ANKS1B: variants seen among roughly 807,000 people sequenced by gnomAD.
The protein encoded by ANKS1B is ankyrin repeat and sterile alpha motif domain containing 1B.
In ANKS1B, 36 loss-of-function variants were observed where a neutral mutation model predicts 148.3. The ratio of observed to expected loss-of-function variants is 0.24; its 90% CI spans 0.19 to 0.32. The LOEUF (loss-of-function observed/expected upper bound fraction) is 0.32, where lower values mean the gene tolerates loss of function less well. Ranked by LOEUF, ANKS1B falls within the 10% of genes least tolerant of loss-of-function variation. The probability of loss-of-function intolerance (pLI) is 1.00; values close to 1 mark genes in which losing one functional copy is unlikely to be tolerated. For synonymous variants in ANKS1B, 542 were observed against 560.8 expected, an observed-to-expected ratio of 0.97 and a Z score of 0.47; for missense variants, 1,157 against 1,542.6, an observed-to-expected ratio of 0.75 and a Z score of 4.19.
chr12:98,808,485 G>A (rs1357283192), intron 19 of ANKS1B, among the ~76,000 whole-genome samples: 1 of 152,160 alleles, frequency 6.6e-6, no homozygotes, highest in African/African-American at 2.4e-5. Flanking sequence ...ACCCAGCACT[G>A]GGAGGAGTGA....
intron 14 of ANKS1B, among the ~76,000 whole-genome samples, chr12:99,155,416 A>G (rs2075910573): frequency 1.3e-5 from 2 of 152,274 alleles, no homozygotes; most frequent in South Asian, 2.1e-4. Context: ...TCTTGTTTGC[A>G]TGGTTTCTTC....
intron 9 of ANKS1B, chr12:99,649,504 A>T: frequency 1.2e-6 from 1 of 848,018 alleles, no homozygotes; most frequent in Non-Finnish European, 1.9e-6. Context: ...AGCAGTAGTG[A>T]TGACAGTAAG....
chr12:99,662,111 G>C (rs1472275132), intron 8 of ANKS1B, among the ~76,000 whole-genome samples: 1 of 152,096 alleles, frequency 6.6e-6, no homozygotes, highest in African/African-American at 2.4e-5. Context: ...TTCTCTTTAA[G>C]CCATTATTAT....
At chr12:98,743,649 T>C (rs1565922273), downstream of ANKS1B, among the ~76,000 whole-genome samples, 1 of 152,228 alleles carries the variant, frequency 6.6e-6, no homozygotes, top group South Asian at 2.1e-4. Flanking sequence ...GATAATGTTT[T>C]TCCAAACATA....
At chr12:98,971,493 A>C (rs778358545) in intron 17 of ANKS1B, among the ~76,000 whole-genome samples, 3 of 152,190 alleles carry the variant, frequency 2.0e-5, no homozygotes, top group Non-Finnish European at 4.4e-5. Context: ...TCCAACCCCA[A>C]AACTTGGGTG....
At chr12:98,985,171 G>C (rs2099922537) in intron 17 of ANKS1B, among the ~76,000 whole-genome samples, 1 of 152,088 alleles carries the variant, frequency 6.6e-6, no homozygotes, top group Admixed American at 6.5e-5. Context: ...GGAATGCAGT[G>C]GTGACATCGT....
chr12:99,937,401 T>G (rs1185978980), intron 1 of ANKS1B, among the ~76,000 whole-genome samples: 2 of 152,186 alleles, frequency 1.3e-5, no homozygotes, highest in African/African-American at 4.8e-5. Context: ...TAATTAATAT[T>G]TCTACAATGT....
chr12:99,217,981 A>T (rs1010595835), intron 14 of ANKS1B, among the ~76,000 whole-genome samples: 1 of 152,156 alleles, frequency 6.6e-6, no homozygotes, highest in Admixed American at 6.6e-5. Context: ...TCTAAGCCCA[A>T]TGTTAAGACA....
intron 12 of ANKS1B, among the ~76,000 whole-genome samples, chr12:99,322,935 T>C (rs984913668): frequency 6.6e-6 from 1 of 152,194 alleles, no homozygotes; most frequent in Non-Finnish European, 1.5e-5. Flanking sequence ...CCTGCCACCA[T>C]GTAACATGTG....
chr12:99,667,596 T>C (rs537169726), intron 8 of ANKS1B, among the ~76,000 whole-genome samples: 10 of 152,212 alleles, frequency 6.6e-5, no homozygotes, highest in Non-Finnish European at 4.4e-5. Flanking sequence ...CTTGTCTTAC[T>C]GCACTGGCCA....
At chr12:99,059,771 A>T (rs2041701829) in intron 16 of ANKS1B, among the ~76,000 whole-genome samples, 1 of 148,684 alleles carries the variant, frequency 6.7e-6, no homozygotes, top group East Asian at 2.0e-4. Context: ...AATAAGCCCA[A>T]AGACAAAACT....
At chr12:99,931,966 T>C (rs951894867) in intron 1 of ANKS1B, among the ~76,000 whole-genome samples, 3 of 152,148 alleles carry the variant, frequency 2.0e-5, no homozygotes, top group African/African-American at 7.2e-5. Flanking sequence ...CTCTCTTATA[T>C]TCATGAGTTC....
rs553066016 is a variant in ANKS1B, at chr12:98,764,508, G to A, written c.3579+8534C>T. The stretch of plus-strand genomic sequence containing the variant: ...CTCCTAAAGTGCTGGGATTACAGGC[G>A]TGAGCCACCGCGCCTGGCTTCTTCA... On this transcript the variant is annotated intron_variant, in intron 25 of 26. Coordinates refer to ENST00000683438, the MANE Select transcript of ANKS1B (RefSeq NM_001352186.2). 7.2e-5 allele frequency among the ~76,000 whole-genome samples: 11 copies of A among 152,270 alleles called. No homozygotes were observed. The South Asian group carries it at 1.2e-3, about 17-fold the overall frequency.
At chr12:99,887,462 T>G (rs2092886796) in intron 1 of ANKS1B, among the ~76,000 whole-genome samples, 1 of 152,228 alleles carries the variant, frequency 6.6e-6, no homozygotes, top group Non-Finnish European at 1.5e-5. Flanking sequence ...TACAGATTTT[T>G]AAATTATATA....
At chr12:99,230,714 A>G (rs2086700276) in intron 14 of ANKS1B, among the ~76,000 whole-genome samples, 1 of 152,158 alleles carries the variant, frequency 6.6e-6, no homozygotes, top group Non-Finnish European at 1.5e-5. Context: ...CTAAGAACAC[A>G]ATCGTTTGAT....
intron 10 of ANKS1B, among the ~76,000 whole-genome samples, chr12:99,446,404 T>G (rs1056571880): frequency 2.6e-5 from 4 of 152,210 alleles, no homozygotes; most frequent in Admixed American, 2.6e-4. Flanking sequence ...TAACTTTTAT[T>G]GAGCATTTAT....
intron 12 of ANKS1B, among the ~76,000 whole-genome samples, chr12:99,257,061 T>G (rs549111406): frequency 3.3e-5 from 5 of 151,998 alleles, no homozygotes; most frequent in Non-Finnish European, 7.4e-5. Flanking sequence ...TGGCTAACAC[T>G]GTGAAACCCG....
intron 9 of ANKS1B, chr12:99,647,972 G>C: frequency 1.5e-6 from 1 of 664,838 alleles, no homozygotes; most frequent in Non-Finnish European, 2.5e-6. Flanking sequence ...GGATCCAGGG[G>C]ACTGACTGTC....
intron 17 of ANKS1B, among the ~76,000 whole-genome samples, chr12:99,045,554 G>A (rs978109487): frequency 1.3e-5 from 2 of 152,188 alleles, no homozygotes; most frequent in Non-Finnish European, 2.9e-5. Context: ...GTGCCAACAC[G>A]AAAGATTTCA....
Sources: gnomAD v4.1 joint callset for allele counts (sites outside exome capture counted in the v4.1 genomes callset) on GRCh38, gnomAD v4.1.1 for gene constraint, MANE v1.5 for transcripts, NCBI Gene and HGNC (gene_info 2026-07-23, HGNC 2026-07-21) for gene names.